The following TCF12 variants were observed in gnomAD, a reference collection of about 807,000 sequenced individuals.
TCF12 encodes transcription factor 12.
Under a neutral mutation model 86.0 loss-of-function variants are expected in TCF12, and 45 were observed. The ratio of observed to expected loss-of-function variants is 0.52; its 90% CI spans 0.41 to 0.67. TCF12 has a LOEUF of 0.67. Among genes scored for constraint, TCF12 ranks in the 30% least tolerant of loss-of-function variants. TCF12 has a pLI of 0.00. For missense variants in TCF12, 881 were observed against 859.9 expected (o/e 1.02, Z -0.31); for synonymous variants, 330 against 299.6 (o/e 1.10, Z -1.05).
intron 5 of TCF12, among the ~76,000 whole-genome samples, chr15:57,116,764 C>T (rs2050866370): frequency 6.6e-6 from 1 of 152,044 alleles, no homozygotes; most frequent in Admixed American, 6.6e-5. Flanking sequence ...GTAATAATTG[C>T]CATTCTCATG....
At chr15:57,118,332 T>G (rs1206123817) in intron 5 of TCF12, 1 of 152,254 alleles carries the variant, frequency 6.6e-6, no homozygotes, top group Non-Finnish European at 1.5e-5. Context: ...TAACCCATGT[T>G]AAAGAATCAC....
rs186896518 is a variant in TCF12, at chr15:57,147,236, A to G, written c.326-19166A>G. Reference sequence around the variant, plus strand: ...CATTCTCAGTACTAACAATGTAACTATATATTCAGTTATTAAGCTTATTAC... The same window carrying G: ...CATTCTCAGTACTAACAATGTAACTGTATATTCAGTTATTAAGCTTATTAC... On this transcript the variant is annotated intron_variant, in intron 5 of 20. Transcript: ENST00000333725. 2.0e-5 allele frequency among the ~76,000 whole-genome samples: 3 copies of G among 152,342 alleles called. No individual in the cohort carries two copies. In the East Asian group the frequency reaches 5.8e-4, roughly 29 times the overall value.
intron 5 of TCF12, among the ~76,000 whole-genome samples, chr15:57,148,195 A>C (rs1254521789): frequency 9.6e-6 from 1 of 104,266 alleles, no homozygotes; most frequent in Non-Finnish European, 1.9e-5. Flanking sequence ...ATTTTTGTTA[A>C]CAGTATAATA....
intron 8 of TCF12, chr15:57,219,738 T>C (rs1394045721): frequency 4.5e-6 from 3 of 671,904 alleles, no homozygotes; most frequent in African/African-American, 3.9e-5. Context: ...TTTTTTTTTT[T>C]GCGGGGGGAC....
At chr15:56,921,992 G>A (rs2059814440) in intron 3 of TCF12, among the ~76,000 whole-genome samples, 1 of 151,876 alleles carries the variant, frequency 6.6e-6, no homozygotes, top group Non-Finnish European at 1.5e-5. Flanking sequence ...GTGAAATGAA[G>A]GCATTTTTTG....
chr15:57,246,774 G>A (rs1189369805), intron 13 of TCF12, among the ~76,000 whole-genome samples: 1 of 152,126 alleles, frequency 6.6e-6, no homozygotes, highest in East Asian at 1.9e-4. Context: ...TGACAGTCCT[G>A]AACAAGAATG....
chr15:57,162,485 A>G (rs2054571751), intron 5 of TCF12, among the ~76,000 whole-genome samples: 1 of 152,218 alleles, frequency 6.6e-6, no homozygotes, highest in African/African-American at 2.4e-5. Context: ...CTAATAAATG[A>G]AAGGTGAAAT....
intron 5 of TCF12, among the ~76,000 whole-genome samples, chr15:57,136,970 GTTTTT>G (rs1402740121): frequency 4.9e-5 from 2 of 40,828 alleles, no homozygotes; most frequent in Admixed American, 4.4e-4. Flanking sequence ...TTTTTTTTTT[GTTTTT>G]TTTTTTTTTT....
chr15:57,113,721 T>C (rs957280927), intron 5 of TCF12, among the ~76,000 whole-genome samples: 10 of 151,332 alleles, frequency 6.6e-5, no homozygotes, highest in African/African-American at 2.2e-4. Flanking sequence ...AGGAGTATTG[T>C]TTGAGACCAG....
intron 6 of TCF12, among the ~76,000 whole-genome samples, chr15:57,176,043 A>G (rs2055884691): frequency 6.6e-6 from 1 of 152,172 alleles, no homozygotes; most frequent in African/African-American, 2.4e-5. Context: ...ACTGAAATAA[A>G]AGACCTTAAA....
intron 3 of TCF12, among the ~76,000 whole-genome samples, chr15:57,032,822 G>A (rs1243804190): frequency 6.6e-6 from 1 of 152,128 alleles, no homozygotes; most frequent in Non-Finnish European, 1.5e-5. Context: ...AAGGCCATAA[G>A]TAATTCACAC....
In TCF12 at chr15:57,107,497, A is replaced by T. The variant is rs971550181; in HGVS notation, c.325+15606A>T. Among the ~76,000 whole-genome samples the T allele has an allele frequency of 2.0e-5, 3 of 152,182 alleles. No homozygotes were observed. The East Asian group carries it at 5.8e-4, about 29-fold the overall frequency. On this transcript the variant is annotated intron_variant, in intron 5 of 20. Coordinates refer to ENST00000333725, the MANE Select transcript of TCF12 (RefSeq NM_207037.2). The stretch of plus-strand genomic sequence containing the variant: ...TGTATAAAACTTTAGTGGTAGATAT[A>T]TGTCATTATATGTTTTTTCAAACCA...
intron 5 of TCF12, among the ~76,000 whole-genome samples, chr15:57,104,552 C>T (rs369167846): frequency 2.7e-5 from 4 of 149,092 alleles, no homozygotes; most frequent in African/African-American, 9.8e-5. Flanking sequence ...AGCGATTCTC[C>T]TGCCTCAGCC....
chr15:57,104,441 T>C (rs59538835), intron 5 of TCF12, among the ~76,000 whole-genome samples: 1,015 of 57,374 alleles, frequency 0.018, 37 homozygotes, highest in Middle Eastern at 0.047. Flanking sequence ...TTTTCTTTTT[T>C]TTTTTTTTTT....
intron 4 of TCF12, among the ~76,000 whole-genome samples, chr15:57,090,737 G>A (rs2048940770): frequency 6.6e-6 from 1 of 152,146 alleles, no homozygotes; most frequent in African/African-American, 2.4e-5. Context: ...GTTTCTGTGA[G>A]CCAGGGTAGT....
In TCF12 at chr15:57,166,408, C is replaced by A; in HGVS notation, c.332C>A (p.Thr111Lys). 1 of 1,610,964 alleles carries A rather than the reference C, an allele frequency of 6.2e-7. No individual in the cohort carries two copies. Among genetic ancestry groups the A allele is most frequent in the South Asian group, 1.1e-5 (1 of 90,196 alleles). Residue 111 changes from threonine to lysine, a missense_variant, in exon 6 of 21, where the codon ACA (threonine) becomes AAA (lysine). Physicochemically the swap from Thr to Lys is moderately conservative, Grantham distance 78. This residue lies in a region of TCF12 where 766 missense variants were observed against 718.9 expected (regional missense o/e 1.07). Coordinates refer to ENST00000333725, the MANE Select transcript of TCF12 (RefSeq NM_207037.2). Reference protein sequence around the residue: ...PFMNSNLMGKTSERGSFSLYS... With the variant: ...PFMNSNLMGKKSERGSFSLYS... ...TAATTTCTTTGTTTTATAGGAAAAA[C>A]ATCAGAGAGAGGCTCATTTTCCCTG...
intron 6 of TCF12, among the ~76,000 whole-genome samples, chr15:57,170,758 AT>A (rs1567559658): frequency 1.4e-3 from 61 of 42,794 alleles, no homozygotes; most frequent in African/African-American, 4.9e-3. Flanking sequence ...TATATTATAT[AT>A]TATATATATA....
chr15:56,990,025 A>C (rs1350639578), intron 3 of TCF12, among the ~76,000 whole-genome samples: 1 of 152,188 alleles, frequency 6.6e-6, no homozygotes, highest in South Asian at 2.1e-4. Flanking sequence ...GTTAAAAATG[A>C]AATGTCTTAC....
At chr15:57,031,860 C>G (rs1442734978) in intron 3 of TCF12, among the ~76,000 whole-genome samples, 1 of 152,126 alleles carries the variant, frequency 6.6e-6, no homozygotes, top group African/African-American at 2.4e-5. Context: ...ACAACTTAGT[C>G]CCAGGCAATC....
Sources: gnomAD v4.1 joint callset for allele counts (sites outside exome capture counted in the v4.1 genomes callset) on GRCh38, gnomAD v4.1.1 for gene constraint, gnomAD v4.1.1 regional missense constraint, MANE v1.5 for transcripts, NCBI Gene and HGNC (gene_info 2026-07-23, HGNC 2026-07-21) for gene names.